The following CORO2A variants were observed in gnomAD, a reference collection of about 807,000 sequenced individuals.
CORO2A encodes the protein coronin-2A.
Under a neutral mutation model 62.4 loss-of-function variants are expected in CORO2A, and 47 were observed. That is an observed-to-expected ratio of 0.75 (90% CI 0.60 to 0.96). The LOEUF is 0.96. Among genes scored for constraint, CORO2A ranks in the 40% least tolerant of loss-of-function variants. CORO2A has a pLI of 0.00. For missense variants in CORO2A, 610 were observed against 684.1 expected, an observed-to-expected ratio of 0.89 and a Z score of 1.21; for synonymous variants, 273 against 268.9, an observed-to-expected ratio of 1.02 and a Z score of -0.15.
chr9:98,142,377 G>A (rs2118836820), intron 2 of CORO2A, among the ~76,000 whole-genome samples: 1 of 152,372 alleles, frequency 6.6e-6, no homozygotes, highest in East Asian at 1.9e-4. Context: ...TACTTCCTGT[G>A]CTCTGAGGGA....
chr9:98,126,568 G>C lies in CORO2A; in HGVS notation c.1427C>G (p.Pro476Arg), dbSNP rs781087223. 8 of 1,613,710 alleles carry C rather than the reference G, an allele frequency of 5.0e-6. No individual in the cohort carries two copies. The highest frequency in any genetic ancestry group is 1.3e-5 in the African/African-American group (1 of 74,864). Reference protein sequence around the residue: ...TNGFDVFECPPPKTENELLQM... With the variant: ...TNGFDVFECPRPKTENELLQM... The stretch of plus-strand genomic sequence containing the variant: ...TCACACCTCATTCTCTGTCTTTGGT[G>C]GGGGGCATTCGAAAACGTCAAAGCC... The change falls in exon 11 of 12, where the codon CCA becomes CGA. Residue 476 changes from proline to arginine, a missense_variant. Transcript: ENST00000375077.
At chr9:98,130,826 C>A in intron 7 of CORO2A, 129 bp downstream of exon 7, 1 of 707,764 alleles carries the variant, frequency 1.4e-6, no homozygotes, top group Non-Finnish European at 2.4e-6. Flanking sequence ...GGGAGGGGTT[C>A]CTTCTCACAG....
At chr9:98,147,365 T>G (rs548025604) in intron 2 of CORO2A, among the ~76,000 whole-genome samples, 61 of 152,224 alleles carry the variant, frequency 4.0e-4, no homozygotes, top group African/African-American at 1.4e-3. Context: ...AATGACAAAA[T>G]GTCTAGGATT....
chr9:98,155,296 C>T (rs114086244), intron 2 of CORO2A, among the ~76,000 whole-genome samples: 1,624 of 150,392 alleles, frequency 0.011, 23 homozygotes, highest in East Asian at 0.041. Context: ...CTCTATAGCT[C>T]GCCTTTCCTT....
intron 1 of CORO2A, among the ~76,000 whole-genome samples, chr9:98,184,594 C>T: frequency 6.6e-6 from 1 of 152,134 alleles, no homozygotes; most frequent in East Asian, 1.9e-4. Context: ...CTATCCCTGG[C>T]AGGTCCCAGG....
intron 2 of CORO2A, among the ~76,000 whole-genome samples, chr9:98,153,358 G>A (rs1313396608): frequency 4.7e-5 from 7 of 150,442 alleles, no homozygotes; most frequent in Non-Finnish European, 7.4e-5. Context: ...GTCTGGGCCT[G>A]CCAAGGTGCT....
chr9:98,157,765 T>C, intron 1 of CORO2A, 105 bp from the exon 2 acceptor site: 1 of 1,082,170 alleles, frequency 9.2e-7, no homozygotes, highest in Non-Finnish European at 1.4e-6. Flanking sequence ...AGCAGGACAG[T>C]GGTCAGTTCA....
chr9:98,126,930 AC>A, intron 10 of CORO2A, 107 bp from the exon 11 acceptor site: 1 of 1,228,294 alleles, frequency 8.1e-7, no homozygotes, highest in Non-Finnish European at 1.2e-6. Context: ...AGCCATGCAG[AC>A]CCATGCAACA....
chr9:98,180,043 T>C (rs1300041729), intron 1 of CORO2A, among the ~76,000 whole-genome samples: 1 of 151,952 alleles, frequency 6.6e-6, no homozygotes, highest in Non-Finnish European at 1.5e-5. Context: ...CAAAAAAAAC[T>C]GCCTCAAAGT....
intron 1 of CORO2A, among the ~76,000 whole-genome samples, chr9:98,166,605 C>CGGCA (rs1827964344): frequency 6.6e-6 from 1 of 152,130 alleles, no homozygotes; most frequent in African/African-American, 2.4e-5. Flanking sequence ...AAAGATAGTA[C>CGGCA]GGCAGTTCAT....
At position 98,126,672 on chromosome 9, in the gene CORO2A, A is replaced by G; in HGVS notation, c.1323T>C (p.Ser441=). The G allele has an allele frequency of 6.2e-7, 1 of 1,614,214 alleles. No individual in the cohort carries two copies. ...GCATCTTCTCCTCCAACAGGGAGGA[A>G]GACCTCCAGCCATCTTCTGCAGCCA... ...EKLAAEDGWR[S]SSLLEEKMPR... The change falls in exon 11 of 12, where the codon TCT becomes TCC. Residue 441 remains serine (S), a synonymous_variant. Transcript: ENST00000375077.
At chr9:98,154,932 T>C (rs1222318570) in intron 2 of CORO2A, among the ~76,000 whole-genome samples, 1 of 152,232 alleles carries the variant, frequency 6.6e-6, no homozygotes, top group African/African-American at 2.4e-5. Context: ...AGAGCACCAG[T>C]GGTGAACACT....
At chr9:98,167,596 GA>G (rs1443810662) in intron 1 of CORO2A, among the ~76,000 whole-genome samples, 4 of 152,208 alleles carry the variant, frequency 2.6e-5, no homozygotes, top group African/African-American at 9.7e-5. Context: ...GGCACAGCAA[GA>G]AGTGCAATGT....
intron 2 of CORO2A, among the ~76,000 whole-genome samples, chr9:98,156,236 C>CA (rs1361468097): frequency 6.6e-6 from 1 of 152,088 alleles, no homozygotes; most frequent in Non-Finnish European, 1.5e-5. Flanking sequence ...GATGGGGTTT[C>CA]ACCATGTTGC....
At chr9:98,164,068 T>C (rs1234824153) in intron 1 of CORO2A, among the ~76,000 whole-genome samples, 2 of 152,172 alleles carry the variant, frequency 1.3e-5, no homozygotes, top group Admixed American at 6.5e-5. Context: ...CTGTTCTCTC[T>C]CTTAAAATTT....
intron 1 of CORO2A, among the ~76,000 whole-genome samples, chr9:98,185,833 G>A (rs1828232655): frequency 6.6e-6 from 1 of 152,246 alleles, no homozygotes; most frequent in African/African-American, 2.4e-5. Flanking sequence ...CTCAGTGTCT[G>A]AGATGGGGCT....
chr9:98,185,896 C>T (rs1201156642), intron 1 of CORO2A, among the ~76,000 whole-genome samples: 2 of 152,204 alleles, frequency 1.3e-5, no homozygotes, highest in Non-Finnish European at 2.9e-5. Flanking sequence ...TTTGCTGGCA[C>T]CAGAGCCAGA....
chr9:98,184,537 A>T (rs1278222119), intron 1 of CORO2A, among the ~76,000 whole-genome samples: 1 of 152,142 alleles, frequency 6.6e-6, no homozygotes, highest in Admixed American at 6.5e-5. Context: ...CTCTCTAAAC[A>T]GACTGGTTTC....
At chr9:98,156,890 C>T (rs1477172184) in intron 2 of CORO2A, among the ~76,000 whole-genome samples, 1 of 152,208 alleles carries the variant, frequency 6.6e-6, no homozygotes, top group Non-Finnish European at 1.5e-5. Flanking sequence ...TTCAGGTGTT[C>T]TGCCTTAAGG....
Sources: gnomAD v4.1 joint callset for allele counts (sites outside exome capture counted in the v4.1 genomes callset) on GRCh38, gnomAD v4.1.1 for gene constraint, MANE v1.5 for transcripts, NCBI Gene and HGNC (gene_info 2026-07-23, HGNC 2026-07-21) for gene names.